Variants in LRBA observed in about 807,000 individuals in gnomAD.
LRBA encodes LPS responsive beige-like anchor protein, also known as lipopolysaccharide-responsive and beige-like anchor protein.
In LRBA, 176 loss-of-function variants were observed where a neutral mutation model predicts 330.0. That is an observed-to-expected ratio of 0.53 (90% CI 0.47 to 0.60). LRBA has a LOEUF of 0.60. LRBA is among the 20% of genes least tolerant of loss of function. LRBA has a pLI of 0.00. For missense variants in LRBA, 3,259 were observed against 3,444.8 expected (o/e 0.95, Z 1.35); for synonymous variants, 1,230 against 1,193.0 (o/e 1.03, Z -0.64).
At chr4:150,669,690 C>T (rs1398206930) in intron 37 of LRBA, among the ~76,000 whole-genome samples, 4 of 151,914 alleles carry the variant, frequency 2.6e-5, no homozygotes, top group Non-Finnish European at 5.9e-5. Context: ...CTCAGCCTCC[C>T]GAGTAGCTGA....
In LRBA at chr4:150,980,308, G is replaced by C. The variant is rs376022809; in HGVS notation, c.216+34119C>G. On this transcript the variant is annotated intron_variant, in intron 2 of 56. Coordinates refer to ENST00000651943, the MANE Select transcript of LRBA (RefSeq NM_001364905.1). Reference sequence around the variant, plus strand: ...GACAAAAAAAACCCTCAAAAAACTAGGGAGAGAAGAGGCATACCTCAACAT... The same window carrying C: ...GACAAAAAAAACCCTCAAAAAACTACGGAGAGAAGAGGCATACCTCAACAT... 1.3e-5 allele frequency among the ~76,000 whole-genome samples: 2 copies of C among 152,104 alleles called. 1 individual carries two copies.
chr4:151,002,263 C>T (rs1225343873), intron 2 of LRBA, among the ~76,000 whole-genome samples: 2 of 140,050 alleles, frequency 1.4e-5, no homozygotes, highest in East Asian at 2.1e-4. Flanking sequence ...AGCAACATAT[C>T]CCAATCAAAA....
chr4:150,429,600 A>G (rs1357547407), intron 46 of LRBA, among the ~76,000 whole-genome samples: 2 of 152,142 alleles, frequency 1.3e-5, no homozygotes, highest in Non-Finnish European at 2.9e-5. Flanking sequence ...TCAAATGGAG[A>G]TGTCGAGGAG....
intron 47 of LRBA, among the ~76,000 whole-genome samples, chr4:150,395,974 T>G (rs1744677087): frequency 6.6e-6 from 1 of 152,188 alleles, no homozygotes; most frequent in African/African-American, 2.4e-5. Flanking sequence ...CGTAGACTAT[T>G]ATGATGATTA....
At position 150,908,366 on chromosome 4, in the gene LRBA, T is replaced by C. The variant is rs781280054; in HGVS notation, c.1461A>G (p.Gln487=). Residue 487 remains glutamine, a synonymous_variant, in exon 11 of 57, where the codon CAA becomes CAG. Coordinates refer to ENST00000651943, the MANE Select transcript of LRBA (RefSeq NM_001364905.1). ...FPLFAQLDYR[Q]YLSDEIDLTI... is the part of the protein sequence containing the mutation. Reference sequence around the variant, plus strand: ...TCAAATCAATCTCATCAGACAAATATTGCCTGTAATCCAACTGTGCAAAAA... The same window carrying C: ...TCAAATCAATCTCATCAGACAAATACTGCCTGTAATCCAACTGTGCAAAAA... 294 of 1,608,642 alleles carry C rather than the reference T, an allele frequency of 1.8e-4. No homozygotes were observed. Among genetic ancestry groups the C allele is most frequent in the Non-Finnish European group, 2.4e-4 (285 of 1,178,878 alleles).
chr4:150,950,957 T>C lies in LRBA; in HGVS notation c.217-21892A>G, dbSNP rs138690076. On this transcript the variant is annotated intron_variant, in intron 2 of 56. Coordinates refer to ENST00000651943, the MANE Select transcript of LRBA (RefSeq NM_001364905.1). ...CAAGACTGTTTTTTAATTTATAAGG[T>C]GAAAAAGAAGGGCTCTTGGTCTTTG... Among the ~76,000 whole-genome samples the C allele has an allele frequency of 6.1e-3, 921 of 152,214 alleles. 41 individuals are homozygous for C. Among genetic ancestry groups the C allele is most frequent in the Admixed American group, 0.05 (765 of 15,286 alleles).
chr4:150,737,523 A>AAAG (rs1553950103), intron 35 of LRBA, among the ~76,000 whole-genome samples: 1 of 149,748 alleles, frequency 6.7e-6, no homozygotes. Context: ...AAAGAAAAGA[A>AAAG]AAAAGAAAAG....
intron 40 of LRBA, chr4:150,584,155 T>C (rs1261303370): frequency 2.0e-6 from 3 of 1,493,844 alleles, no homozygotes; most frequent in African/African-American, 1.4e-5. Flanking sequence ...GCGTGCTCTC[T>C]CAGACACACA....
intron 47 of LRBA, among the ~76,000 whole-genome samples, chr4:150,408,007 C>T (rs1746441112): frequency 6.6e-6 from 1 of 151,674 alleles, no homozygotes; most frequent in African/African-American, 2.4e-5. Flanking sequence ...TTAGAGTAAA[C>T]TAAACCCAAA....
At chr4:150,755,835 C>T (rs186995989) in intron 35 of LRBA, among the ~76,000 whole-genome samples, 3 of 150,258 alleles carry the variant, frequency 2.0e-5, no homozygotes, top group Admixed American at 2.0e-4. Flanking sequence ...TCCAGGAGTT[C>T]AAGACTAGCC....
chr4:150,450,155 A>C (rs954077006), intron 44 of LRBA, among the ~76,000 whole-genome samples: 2 of 152,236 alleles, frequency 1.3e-5, no homozygotes, highest in African/African-American at 4.8e-5. Context: ...CAGAAAAAGT[A>C]GATTTCAGAA....
chr4:150,402,357 A>T (rs1745606997), intron 47 of LRBA, among the ~76,000 whole-genome samples: 1 of 152,140 alleles, frequency 6.6e-6, no homozygotes, highest in African/African-American at 2.4e-5. Flanking sequence ...TATATGAACA[A>T]AAAAAGTGAA....
chr4:150,962,028 G>C (rs1416726002), intron 2 of LRBA, among the ~76,000 whole-genome samples: 1 of 149,268 alleles, frequency 6.7e-6, no homozygotes, highest in South Asian at 2.1e-4. Context: ...TTTCAACCTA[G>C]GTAATCTAGC....
intron 36 of LRBA, among the ~76,000 whole-genome samples, chr4:150,717,298 C>T (rs1429307516): frequency 6.6e-6 from 1 of 151,954 alleles, no homozygotes; most frequent in Non-Finnish European, 1.5e-5. Context: ...TAAGTACTCA[C>T]AAAAATGTTC....
chr4:150,957,790 G>A (rs2149558674), intron 2 of LRBA, among the ~76,000 whole-genome samples: 1 of 148,994 alleles, frequency 6.7e-6, no homozygotes. Context: ...AAAACAAAGG[G>A]GCTACAGGTC....
chr4:150,726,853 C>G (rs1432065066), intron 36 of LRBA, among the ~76,000 whole-genome samples: 2 of 151,614 alleles, frequency 1.3e-5, no homozygotes, highest in Non-Finnish European at 2.9e-5. Flanking sequence ...ATCATGCACC[C>G]AACACTGGAG....
chr4:150,281,301 G>C (rs888798557), intron 55 of LRBA, among the ~76,000 whole-genome samples: 10 of 152,126 alleles, frequency 6.6e-5, no homozygotes, highest in African/African-American at 2.2e-4. Flanking sequence ...AAGCGAGTAC[G>C]AGTGTGTCTC....
intron 17 of LRBA, among the ~76,000 whole-genome samples, chr4:150,891,950 G>C (rs1313861085): frequency 6.6e-6 from 1 of 152,040 alleles, no homozygotes; most frequent in Non-Finnish European, 1.5e-5. Context: ...AAATAAGCTG[G>C]GCATGGTGGC....
At chr4:150,565,057 A>G (rs1280494241) in intron 40 of LRBA, among the ~76,000 whole-genome samples, 1 of 152,192 alleles carries the variant, frequency 6.6e-6, no homozygotes, top group Admixed American at 6.5e-5. Flanking sequence ...ACACATGCAC[A>G]TGTATGTTTA....
Sources: allele counts gnomAD v4.1 joint callset (sites outside exome capture counted in the v4.1 genomes callset), GRCh38; gene constraint gnomAD v4.1.1; transcripts MANE v1.5; gene names NCBI Gene and HGNC (gene_info 2026-07-23, HGNC 2026-07-21).